Variants in VRK2 observed in about 807,000 individuals in gnomAD.
The protein encoded by VRK2 is VRK serine/threonine kinase 2.
Under a neutral mutation model 57.6 loss-of-function variants are expected in VRK2, and 60 were observed. The ratio of observed to expected loss-of-function variants is 1.04; its 90% CI spans 0.85 to 1.29. The LOEUF is 1.29. Ranked by LOEUF, VRK2 falls within the 50% of genes most tolerant of loss-of-function variation. VRK2 has a pLI of 0.00. For synonymous variants in VRK2, 231 were observed against 199.2 expected (o/e 1.16, Z -1.35); for missense variants, 705 against 588.1 (o/e 1.20, Z -2.06).
chr2:58,132,892 A>G (rs1269625114), intron 9 of VRK2, among the ~76,000 whole-genome samples: 1 of 152,204 alleles, frequency 6.6e-6, no homozygotes, highest in Non-Finnish European at 1.5e-5. Flanking sequence ...ACCCAAAACT[A>G]AAACATTTAT....
At chr2:58,131,073 C>G (rs1679125505) in intron 8 of VRK2, among the ~76,000 whole-genome samples, 1 of 151,804 alleles carries the variant, frequency 6.6e-6, no homozygotes, top group Admixed American at 6.6e-5. Context: ...GAAAAGGCAT[C>G]TTATTCTAAA....
intron 2 of VRK2, among the ~76,000 whole-genome samples, chr2:58,075,048 C>T (rs1253400514): frequency 6.6e-6 from 1 of 152,080 alleles, no homozygotes; most frequent in Non-Finnish European, 1.5e-5. Context: ...TTCTCCTACC[C>T]TATACCCTTA....
At chr2:58,147,089 A>G in intron 12 of VRK2, 1 of 495,796 alleles carries the variant, frequency 2.0e-6, no homozygotes, top group Non-Finnish European at 4.0e-6. Flanking sequence ...GATTTGAGGT[A>G]GTTTACAGTA....
chr2:57,964,672 G>A (rs1279827282), intron 1 of VRK2, among the ~76,000 whole-genome samples: 2 of 152,014 alleles, frequency 1.3e-5, no homozygotes, highest in Admixed American at 6.6e-5. Flanking sequence ...ATCACCTGAG[G>A]TCAGGAGTTG....
chr2:58,124,444 C>T (rs111748575), intron 8 of VRK2, among the ~76,000 whole-genome samples: 1 of 152,178 alleles, frequency 6.6e-6, no homozygotes, highest in East Asian at 1.9e-4. Context: ...AAATTATATT[C>T]TTTGTAAACT....
At position 58,146,340 on chromosome 2, in the gene VRK2, A is replaced by C. The variant is rs1248335439; in HGVS notation, c.1048A>C (p.Lys350Gln). The C allele has an allele frequency of 6.2e-7, 1 of 1,610,824 alleles. No homozygotes were observed. The highest frequency in any genetic ancestry group is 8.5e-7 in the Non-Finnish European group (1 of 1,177,856). ...QKVDSQKAAT[K>Q]QVNKAHNRLI... ...GGTTGATTCACAAAAGGCTGCAACA[A>C]AGCAAGTCAACAAGGCACACAATAG... The change falls in exon 12 of 13, where the codon AAG becomes CAG. Residue 350 changes from lysine to glutamine, a missense_variant. Physicochemically the swap from Lys to Gln is moderately conservative, Grantham distance 53. Coordinates refer to ENST00000340157, the MANE Select transcript of VRK2 (RefSeq NM_006296.7).
chr2:57,990,457 G>C (rs1672728763), intron 1 of VRK2, among the ~76,000 whole-genome samples: 1 of 152,128 alleles, frequency 6.6e-6, no homozygotes, highest in African/African-American at 2.4e-5. Flanking sequence ...GGTAAATATT[G>C]TCCAGATGAT....
At chr2:58,113,233 C>T (rs942458392) in intron 7 of VRK2, among the ~76,000 whole-genome samples, 6 of 150,500 alleles carry the variant, frequency 4.0e-5, no homozygotes, top group Admixed American at 1.3e-4. Context: ...CACATGAACC[C>T]GGGAGGCGGA....
At chr2:58,026,025 T>G (rs988785366) in intron 2 of VRK2, among the ~76,000 whole-genome samples, 1 of 152,178 alleles carries the variant, frequency 6.6e-6, no homozygotes, top group Non-Finnish European at 1.5e-5. Flanking sequence ...TATAAAACTA[T>G]GTGTTAATGA....
intron 1 of VRK2, among the ~76,000 whole-genome samples, chr2:57,980,615 T>A (rs540837238): frequency 1.1e-3 from 162 of 152,292 alleles, no homozygotes; most frequent in Middle Eastern, 3.4e-3. Context: ...TAATGATTTG[T>A]CCAACACTGT....
chr2:58,014,843 A>C lies in VRK2; in HGVS notation c.-438-10822A>C, dbSNP rs1673526529. On this transcript the variant is annotated intron_variant, in intron 1 of 15. Transcript: ENST00000417641. ...TAAAAGAGTATTATTGTGTAGGTGTAGATCTGCAGTAGCCACCTAAAGACC... is the reference window on the plus strand; with the variant it reads ...TAAAAGAGTATTATTGTGTAGGTGTCGATCTGCAGTAGCCACCTAAAGACC... Among the ~76,000 whole-genome samples, 5 of 152,132 alleles carry C rather than the reference A, an allele frequency of 3.3e-5. No individual in the cohort carries two copies. The South Asian group carries it at 1.0e-3, about 32-fold the overall frequency.
At chr2:57,974,360 TA>T (rs1353028367) in intron 1 of VRK2, among the ~76,000 whole-genome samples, 3 of 151,832 alleles carry the variant, frequency 2.0e-5, no homozygotes, top group African/African-American at 7.2e-5. Flanking sequence ...TTGGTAATTC[TA>T]AAACAAACTA....
chr2:58,158,865 C>A (rs1223672920), intron 12 of VRK2, among the ~76,000 whole-genome samples: 1 of 152,110 alleles, frequency 6.6e-6, no homozygotes, highest in African/African-American at 2.4e-5. Context: ...ACTATAGCTA[C>A]CCCTGAGGCA....
upstream of VRK2, among the ~76,000 whole-genome samples, chr2:58,041,783 C>T (rs1674466428): frequency 6.6e-6 from 1 of 152,124 alleles, no homozygotes; most frequent in African/African-American, 2.4e-5. Context: ...CCTGGAGGCT[C>T]CATCAGTAAA....
intron 1 of VRK2, among the ~76,000 whole-genome samples, chr2:58,001,893 CA>C (rs2103625298): frequency 1.3e-5 from 2 of 152,210 alleles, no homozygotes; most frequent in South Asian, 4.2e-4. Context: ...TTCCATTCCA[CA>C]ACCTCTTTTT....
At chr2:58,074,581 G>A (rs182025452) in intron 2 of VRK2, among the ~76,000 whole-genome samples, 1 of 152,062 alleles carries the variant, frequency 6.6e-6, no homozygotes, top group East Asian at 1.9e-4. Flanking sequence ...ATTCTCTCCT[G>A]TCTCTTGCTG....
intron 4 of VRK2, among the ~76,000 whole-genome samples, chr2:58,085,935 T>TC (rs1248180768): frequency 7.5e-6 from 1 of 133,304 alleles, no homozygotes; most frequent in Non-Finnish European, 1.5e-5. Flanking sequence ...TTTTTCTTTT[T>TC]TTTTTTTTTT....
intron 1 of VRK2, among the ~76,000 whole-genome samples, chr2:57,968,071 G>T (rs1007125597): frequency 6.6e-6 from 1 of 151,812 alleles, no homozygotes; most frequent in Admixed American, 6.6e-5. Flanking sequence ...AACAAGAAGA[G>T]AAAAAATATT....
At chr2:58,089,525 T>A (rs1672079249) in intron 6 of VRK2, 106 bp from the exon 7 acceptor site, 1 of 577,248 alleles carries the variant, frequency 1.7e-6, no homozygotes, top group Admixed American at 3.6e-5. Context: ...CATCGCTTTG[T>A]CAATGTTAAT....
Sources: gnomAD v4.1 joint callset for allele counts (sites outside exome capture counted in the v4.1 genomes callset) on GRCh38, gnomAD v4.1.1 for gene constraint, MANE v1.5 for transcripts, NCBI Gene and HGNC (gene_info 2026-07-23, HGNC 2026-07-21) for gene names.